Variants in HSF4 observed in about 807,000 individuals in gnomAD.
The protein encoded by HSF4 is heat shock transcription factor 4, also known as heat shock factor protein 4.
Under a neutral mutation model 52.0 loss-of-function variants are expected in HSF4, and 41 were observed. That is an observed-to-expected ratio of 0.79 (90% CI 0.61 to 1.02). HSF4 has a LOEUF of 1.02. HSF4 is among the 50% of genes least tolerant of loss of function. The pLI, the probability that HSF4 is intolerant of heterozygous loss-of-function variation, is 0.00. For synonymous variants in HSF4, 285 were observed against 273.0 expected, an observed-to-expected ratio of 1.04 and a Z score of -0.43; for missense variants, 610 against 651.1, an observed-to-expected ratio of 0.94 and a Z score of 0.69.
At position 67,167,709 on chromosome 16, in the gene HSF4, C is replaced by G; in HGVS notation, c.855-11C>G. 3.7e-6 allele frequency: 6 copies of G among 1,611,384 alleles called. No individual in the cohort carries two copies. The highest frequency in any genetic ancestry group is 2.2e-5 in the East Asian group (1 of 44,864). On this transcript the variant is annotated splice_polypyrimidine_tract_variant and intron_variant, in intron 8 of 12. Coordinates refer to ENST00000521374, the MANE Select transcript of HSF4 (RefSeq NM_001374675.1). ...GTGCCAGGGTCTGGTTGAAGCTTTT[C>G]TCTGGTGCAGGGAGAAGGGCCTGGC...
rs981017201 is a variant in HSF4 at position 67,167,762 on chromosome 16, A to G, written c.897A>G (p.Pro299=). ...LALLKEEPAS[P]GGDGEAGLAL... ...TGCTCAAAGAAGAGCCGGCCAGTCC[A>G]GGGGGGGATGGCGAGGCCGGGCTGG... Residue 299 remains proline, a synonymous_variant, in exon 9 of 13, where the codon CCA becomes CCG. Coordinates refer to ENST00000521374, the MANE Select transcript of HSF4 (RefSeq NM_001374675.1). 1.2e-6 allele frequency: 2 copies of G among 1,605,716 alleles called. No individual in the cohort carries two copies. The highest frequency in any genetic ancestry group is 4.5e-5 in the East Asian group (2 of 44,638).
intron 4 of HSF4, 63 bp from the exon 5 acceptor site, chr16:67,166,257 C>A: frequency 6.6e-7 from 1 of 1,513,466 alleles, no homozygotes; most frequent in Non-Finnish European, 9.1e-7. Flanking sequence ...CCTCGCCATT[C>A]TGTGGGGGGT....
upstream of HSF4, chr16:67,164,579 C>A (rs2031097746): frequency 4.2e-6 from 2 of 481,166 alleles, no homozygotes; most frequent in Non-Finnish European, 8.1e-6. Flanking sequence ...CTCCACCCCA[C>A]CCCACCCCTC....
chr16:67,165,173 C>A lies in HSF4; in HGVS notation c.123+239C>A. On this transcript the variant is annotated intron_variant, in intron 1 of 12. Coordinates refer to ENST00000521374, the MANE Select transcript of HSF4 (RefSeq NM_001374675.1). This position sits in a 1 kb window ranked among gnomAD's most constrained non-coding sequence, Gnocchi z 6.9. ...GAGGGACCTTCGAGGCCATTTAGTT[C>A]CCACCCTACCCCATCCGACAGATGG... 1.7e-6 allele frequency: 1 copy of A among 595,018 alleles called. No individual in the cohort carries two copies. Among genetic ancestry groups the A allele is most frequent in the Non-Finnish European group, 3.0e-6 (1 of 335,366 alleles). 36.9% of individuals were successfully genotyped at this position (595,018 alleles called of 1,614,324 possible). A position where few individuals can be genotyped will look rare whatever the true frequency, so the allele number is the denominator to read the frequency against.
At chr16:67,164,334 T>C (rs1367731664), upstream of HSF4, 1 of 393,692 alleles carries the variant, frequency 2.5e-6, no homozygotes, top group Admixed American at 2.9e-5. Context: ...ACCCTTGGAA[T>C]GACTACGTCC....
At chr16:67,167,278 G>A in intron 7 of HSF4, 56 bp downstream of exon 7, 1 of 1,612,476 alleles carries the variant, frequency 6.2e-7, no homozygotes, top group Non-Finnish European at 8.5e-7. Context: ...TGGAGAGCCT[G>A]TTCCTTCTCC....
chr16:67,166,954 C>T (rs966058590), intron 6 of HSF4, among the ~76,000 whole-genome samples, 166 bp from the exon 7 acceptor site: 3 of 152,168 alleles, frequency 2.0e-5, no homozygotes, highest in Non-Finnish European at 4.4e-5. Flanking sequence ...GCCCCCATCT[C>T]TAGGGGGAGC....
chr16:67,166,183 C>T (rs547643765), intron 4 of HSF4, 113 bp downstream of exon 4: 20 of 1,384,370 alleles, frequency 1.4e-5, no homozygotes, highest in Non-Finnish European at 2.0e-5. Flanking sequence ...CTTGGCGCCT[C>T]CATCTAGACT....
intron 9 of HSF4, 90 bp from the exon 10 acceptor site, chr16:67,168,741 T>C: frequency 1.1e-6 from 1 of 939,726 alleles, no homozygotes; most frequent in Non-Finnish European, 1.7e-6. Context: ...TTTCTAAAGA[T>C]TGGGGGATTA....
In HSF4 at chr16:67,165,030, C is replaced by A; in HGVS notation, c.123+96C>A. On this transcript the variant is annotated intron_variant, in intron 1 of 12. Transcript: ENST00000521374. This position sits in a 1 kb window ranked among gnomAD's most constrained non-coding sequence, Gnocchi z 6.9. The stretch of plus-strand genomic sequence containing the variant: ...GCCCAACCCCCTCCTGAGACTGGGC[C>A]GTGGATCCCCGGATTTGGCCATTCA... The A allele has an allele frequency of 1.5e-6, 2 of 1,309,100 alleles. No homozygotes were observed. Among genetic ancestry groups the A allele is most frequent in the Non-Finnish European group, 2.1e-6 (2 of 974,174 alleles). 81.1% of individuals were successfully genotyped at this position (1,309,100 alleles called of 1,614,324 possible). A position where few individuals can be genotyped will look rare whatever the true frequency, so the allele number is the denominator to read the frequency against.
Position 67,169,244 on chromosome 16 carries a change from C to T in HSF4, c.1255-35C>T. ...CAGCTGTCCCCCTCAGCTGCTAGGT[C>T]CCCTCCCCAGCTGCTCCCTGCGGTT... is the stretch of plus-strand genomic sequence containing the variant. On this transcript the variant is annotated intron_variant, in intron 11 of 12. Coordinates refer to ENST00000521374, the MANE Select transcript of HSF4 (RefSeq NM_001374675.1). The surrounding 1 kb of genome is among the most constrained non-coding windows in gnomAD (Gnocchi z 4.3). 8 of 1,612,210 alleles carry T rather than the reference C, an allele frequency of 5.0e-6. No individual in the cohort carries two copies. The highest frequency in any genetic ancestry group is 6.8e-6 in the Non-Finnish European group (8 of 1,179,606).
rs764096576 is a variant in HSF4 at position 67,165,432 on chromosome 16, C to T, written c.124-90C>T. 9 of 1,179,648 alleles carry T rather than the reference C, an allele frequency of 7.6e-6. No individual in the cohort carries two copies. Among genetic ancestry groups the T allele is most frequent in the South Asian group, 1.2e-5 (1 of 82,132 alleles). The allele number at this position is 1,179,648 out of a possible 1,614,324, so 73.1% of individuals were successfully genotyped here. A position where few individuals can be genotyped will look rare whatever the true frequency, so the allele number is the denominator to read the frequency against. ...ACCCAAGAGTGAGCATGAGTGTGTGCGCGCGCTGGAGCGCAGGACTGGCCG... is the reference window on the plus strand; with the variant it reads ...ACCCAAGAGTGAGCATGAGTGTGTGTGCGCGCTGGAGCGCAGGACTGGCCG... On this transcript the variant is annotated intron_variant, in intron 1 of 12. Coordinates refer to ENST00000521374, the MANE Select transcript of HSF4 (RefSeq NM_001374675.1). This position sits in a 1 kb window ranked among gnomAD's most constrained non-coding sequence, Gnocchi z 6.9.
rs776131924 is a variant in HSF4 at position 67,169,753 on chromosome 16, T to C, written c.1447T>C (p.Tyr483His). 79 of 1,612,924 alleles carry C rather than the reference T, an allele frequency of 4.9e-5. 2 individuals are homozygous for C. The highest frequency in any genetic ancestry group is 1.3e-4 in the African/African-American group (10 of 74,912). ...YSTPESRTAS[Y>H]LGPEASPSP The stretch of plus-strand genomic sequence containing the variant: ...CACTCCTGAGAGCCGGACTGCCTCC[T>C]ACTTGGGCCCGGAAGCCAGTCCCTC... Residue 483 changes from tyrosine to histidine, a missense_variant, in exon 13 of 13, where the codon TAC (tyrosine) becomes CAC (histidine). Transcript: ENST00000521374. This position sits in a 1 kb window ranked among gnomAD's most constrained non-coding sequence, Gnocchi z 4.3.
At chr16:67,167,329 C>T (rs1335579660) in intron 7 of HSF4, 107 bp downstream of exon 7, 2 of 1,609,144 alleles carry the variant, frequency 1.2e-6, no homozygotes, top group African/African-American at 2.7e-5. Context: ...CCAGCCTTCC[C>T]CCCAACCAGA....
Position 67,168,934 on chromosome 16 carries a change from G to C in HSF4, c.1186G>C (p.Asp396His). Residue 396 changes from aspartate (D) to histidine (H), a missense_variant and splice_region_variant, in exon 10 of 13, where the codon GAT (aspartate) becomes CAT (histidine). Transcript: ENST00000521374. Reference sequence around the variant, plus strand: ...AAGTGTGGAACCTGCAGGGCCTCTAGATGTGAGTACCCCTTCTGCTGAAAC... The same window carrying C: ...AAGTGTGGAACCTGCAGGGCCTCTACATGTGAGTACCCCTTCTGCTGAAAC... The part of the protein sequence containing the change: ...QESVEPAGPL[D>H]VLGPSLQGRE... 1 of 1,613,920 alleles carries C rather than the reference G, an allele frequency of 6.2e-7. No homozygotes were observed. Among genetic ancestry groups the C allele is most frequent in the Non-Finnish European group, 8.5e-7 (1 of 1,179,836 alleles).
chr16:67,165,861 C>T lies in HSF4; in HGVS notation c.360+15C>T. 3 of 1,599,810 alleles carry T rather than the reference C, an allele frequency of 1.9e-6. No homozygotes were observed. Among genetic ancestry groups the T allele is most frequent in the South Asian group, 1.1e-5 (1 of 90,926 alleles). ...TGCGGCGCAAGGTGGGGGCGGCCTG[C>T]GGGAATGAGCAAAGAGGAGGAGGGG... On this transcript the variant is annotated intron_variant, in intron 3 of 12. Transcript: ENST00000521374. This position sits in a 1 kb window ranked among gnomAD's most constrained non-coding sequence, Gnocchi z 6.9.
At chr16:67,167,698 T>C in intron 8 of HSF4, 22 bp from the exon 9 acceptor site, 1 of 1,611,818 alleles carries the variant, frequency 6.2e-7, no homozygotes, top group South Asian at 1.1e-5. Flanking sequence ...CAGGGTCTGG[T>C]TGAAGCTTTT....
In HSF4 at chr16:67,165,929, G is replaced by A. The variant is rs756720406; in HGVS notation, c.361-17G>A. The A allele has an allele frequency of 1.0e-4, 162 of 1,581,374 alleles. No homozygotes were observed. Among genetic ancestry groups the A allele is most frequent in the African/African-American group, 2.0e-4 (15 of 74,486 alleles). Reference sequence around the variant, plus strand: ...TTGCTCCTGCGACCCAGTCCCGACGGTGCCTCCCGCCTGCAGGTGCCCGCG... The same window carrying A: ...TTGCTCCTGCGACCCAGTCCCGACGATGCCTCCCGCCTGCAGGTGCCCGCG... On this transcript the variant is annotated splice_polypyrimidine_tract_variant and intron_variant, in intron 3 of 12. Transcript: ENST00000521374. The surrounding 1 kb of genome is among the most constrained non-coding windows in gnomAD (Gnocchi z 6.9).
intron 4 of HSF4, 54 bp from the exon 5 acceptor site, chr16:67,166,266 G>C: frequency 6.5e-7 from 1 of 1,533,552 alleles, no homozygotes; most frequent in Non-Finnish European, 9.0e-7. Context: ...TCTGTGGGGG[G>C]TGGTGACTGG....
Sources: gnomAD v4.1 joint callset for allele counts (sites outside exome capture counted in the v4.1 genomes callset) on GRCh38, gnomAD v4.1.1 for gene constraint, Gnocchi (gnomAD v3.1) non-coding constraint, MANE v1.5 for transcripts, NCBI Gene and HGNC (gene_info 2026-07-23, HGNC 2026-07-21) for gene names.